Variants in KLHL10 observed in about 807,000 individuals in gnomAD.
KLHL10 encodes kelch-like protein 10.
A neutral mutation model predicts 46.6 loss-of-function variants in KLHL10; 11 were observed. The observed-to-expected ratio is 0.24, with a 90% CI of 0.15 to 0.39. The LOEUF (loss-of-function observed/expected upper bound fraction) is 0.39. Among genes scored for constraint, KLHL10 ranks in the 10% least tolerant of loss-of-function variants. The pLI, the probability that KLHL10 is intolerant of heterozygous loss-of-function variation, is 1.00. For missense variants in KLHL10, 475 were observed against 789.8 expected (o/e 0.60, Z 4.78); for synonymous variants, 254 against 279.1 (o/e 0.91, Z 0.90).
upstream of KLHL10, chr17:41,837,543 G>A: frequency 9.6e-7 from 1 of 1,041,898 alleles, no homozygotes; most frequent in Non-Finnish European, 1.2e-6. Context: ...CAAGTGTTGG[G>A]CTGTGGAAGG....
At chr17:41,847,528 T>TG in intron 4 of KLHL10, 118 bp downstream of exon 4, 1 of 1,197,838 alleles carries the variant, frequency 8.3e-7, no homozygotes, top group Non-Finnish European at 1.2e-6. Flanking sequence ...TTTTTTGAGA[T>TG]GGAGTCTCGC....
rs147108868 is a variant in KLHL10, at chr17:41,842,222, A to G, written c.594A>G (p.Lys198=). The G allele has an allele frequency of 6.2e-6, 10 of 1,614,154 alleles. No homozygotes were observed. In the African/African-American group the frequency reaches 1.2e-4, roughly 19 times the overall value. The change falls in exon 2 of 5, where the codon AAA becomes AAG. Residue 198 remains lysine (K), a synonymous_variant. Transcript: ENST00000293303. ...DIIEKDELNV[K]QEDAVFEAIL... ...TTGAGAAAGATGAGCTCAATGTCAA[A>G]CAGGAAGATGCTGTATTTGAGGCCA...
Position 41,847,247 on chromosome 17 carries a change from A to G in KLHL10, c.1303-14A>G. Reference sequence around the variant, plus strand: ...AGAGTGGGAATTTTAATAATCTTGGAACTCTTCACACAGGTCTACATATGT... The same window carrying G: ...AGAGTGGGAATTTTAATAATCTTGGGACTCTTCACACAGGTCTACATATGT... On this transcript the variant is annotated splice_polypyrimidine_tract_variant and intron_variant, in intron 3 of 4. Coordinates refer to ENST00000293303, the MANE Select transcript of KLHL10 (RefSeq NM_152467.5). 1 of 1,613,616 alleles carries G rather than the reference A, an allele frequency of 6.2e-7. No homozygotes were observed. Among genetic ancestry groups the G allele is most frequent in the East Asian group, 2.2e-5 (1 of 44,872 alleles).
At chr17:41,843,514 A>C (rs12051680) in intron 2 of KLHL10, among the ~76,000 whole-genome samples, 68 of 105,936 alleles carry the variant, frequency 6.4e-4, no homozygotes, top group East Asian at 1.7e-3. Context: ...AAATTAACAA[A>C]AAAAAAAAAA....
rs2048183443 is a variant in KLHL10 at position 41,837,914 on chromosome 17, T to C, written c.-19T>C. On this transcript the variant is annotated 5_prime_UTR_variant, in exon 1 of 5. Transcript: ENST00000293303. The stretch of plus-strand genomic sequence containing the variant: ...CGACACCCTAGGAAAGCAGCCTCTC[T>C]CCGCTGTCCCAGGGTGCCATGGAGA... 6.2e-7 allele frequency: 1 copy of C among 1,612,944 alleles called. No individual in the cohort carries two copies.
upstream of KLHL10, chr17:41,836,197 G>C: frequency 1.6e-6 from 2 of 1,249,874 alleles, no homozygotes; most frequent in Non-Finnish European, 2.0e-6. Flanking sequence ...CTGCCATCCC[G>C]TTCGAGGCCT....
intron 3 of KLHL10, 51 bp downstream of exon 3, chr17:41,845,794 G>A: frequency 6.2e-7 from 1 of 1,609,944 alleles, no homozygotes; most frequent in South Asian, 1.1e-5. Flanking sequence ...TACAAGACCA[G>A]AAATGATACT....
At chr17:41,847,432 C>A in intron 4 of KLHL10, 22 bp downstream of exon 4, 1 of 1,613,016 alleles carries the variant, frequency 6.2e-7, no homozygotes, top group Non-Finnish European at 8.5e-7. Flanking sequence ...TAGTACCACA[C>A]ACACACAAAA....
At chr17:41,844,800 C>G (rs991788976) in intron 2 of KLHL10, among the ~76,000 whole-genome samples, 1 of 152,092 alleles carries the variant, frequency 6.6e-6, no homozygotes, top group Non-Finnish European at 1.5e-5. Context: ...CCGCCCATCT[C>G]GGCCTCCCAA....
At chr17:41,835,979 C>T (rs782695597), upstream of KLHL10, 15 of 1,554,906 alleles carry the variant, frequency 9.6e-6, no homozygotes, top group Non-Finnish European at 1.3e-5. Context: ...CCCGAGAGAA[C>T]CACTGACCCC....
rs1312903121 is a variant in KLHL10, at chr17:41,845,185, T to C, written c.744T>C (p.Tyr248=). Residue 248 remains tyrosine, a synonymous_variant, in exon 3 of 5, where the codon TAT becomes TAC. Coordinates refer to ENST00000293303, the MANE Select transcript of KLHL10 (RefSeq NM_152467.5). ...TGAACAATGTTAAGATGAATGACTA[T>C]GTCAAAGACAGTGAGGAATGCAAAC... is the stretch of plus-strand genomic sequence containing the variant. The part of the protein sequence containing the change: ...YFMNNVKMND[Y]VKDSEECKPV... The C allele has an allele frequency of 6.2e-7, 1 of 1,614,134 alleles. No individual in the cohort carries two copies. Among genetic ancestry groups the C allele is most frequent in the East Asian group, 2.2e-5 (1 of 44,906 alleles).
At position 41,845,524 on chromosome 17, in the gene KLHL10, A is replaced by G; in HGVS notation, c.1083A>G (p.Pro361=). ...TCAATAGTGTTAAGCGTTTTGACCC[A>G]GTCAAGAAAACTTGGCATCAGGTGG... ...DYFNSVKRFD[P]VKKTWHQVAP... The change falls in exon 3 of 5, where the codon CCA becomes CCG. Residue 361 remains proline, a synonymous_variant. Coordinates refer to ENST00000293303, the MANE Select transcript of KLHL10 (RefSeq NM_152467.5). 1 of 1,614,240 alleles carries G rather than the reference A, an allele frequency of 6.2e-7. No homozygotes were observed.
At chr17:41,841,774 A>G in intron 1 of KLHL10, 49 bp from the exon 2 acceptor site, 1 of 1,612,662 alleles carries the variant, frequency 6.2e-7, no homozygotes, top group South Asian at 1.1e-5. Context: ...GTACTCACCT[A>G]ACAGGAGAGA....
At chr17:41,844,945 A>C (rs1423667896) in intron 2 of KLHL10, among the ~76,000 whole-genome samples, 181 bp from the exon 3 acceptor site, 1 of 152,180 alleles carries the variant, frequency 6.6e-6, no homozygotes, top group Non-Finnish European at 1.5e-5. Flanking sequence ...TTGGCCTCCC[A>C]AAGTGCTGGG....
upstream of KLHL10, chr17:41,835,958 C>T (rs1555619926): frequency 3.2e-5 from 50 of 1,582,422 alleles, no homozygotes; most frequent in Non-Finnish European, 4.3e-5. Flanking sequence ...GGGTGCTCAC[C>T]TGTCCCGAGA....
intron 1 of KLHL10, among the ~76,000 whole-genome samples, chr17:41,838,500 G>A (rs940190254): frequency 5.9e-5 from 9 of 151,906 alleles, no homozygotes; most frequent in Admixed American, 2.0e-4. Context: ...GGCCCAAAGC[G>A]ATCCTCCTGC....
intron 3 of KLHL10, 51 bp from the exon 4 acceptor site, chr17:41,847,210 T>C: frequency 6.4e-7 from 1 of 1,565,868 alleles, no homozygotes; most frequent in Non-Finnish European, 8.8e-7. Flanking sequence ...ATATCCTTTC[T>C]TTCTACTCCC....
chr17:41,836,159 C>A (rs536033828), upstream of KLHL10: 2 of 1,301,396 alleles, frequency 1.5e-6, no homozygotes, highest in African/African-American at 3.1e-5. Context: ...CCGCCCCACT[C>A]CGGACGCTTC....
At chr17:41,836,521 T>C (rs1347811419), upstream of KLHL10, 15 of 945,712 alleles carry the variant, frequency 1.6e-5, no homozygotes, top group Non-Finnish European at 1.9e-5. Flanking sequence ...GCTGAAAGTT[T>C]GTGACAAAAA....
Sources: allele counts gnomAD v4.1 joint callset (sites outside exome capture counted in the v4.1 genomes callset), GRCh38; gene constraint gnomAD v4.1.1; transcripts MANE v1.5; gene names NCBI Gene and HGNC (gene_info 2026-07-23, HGNC 2026-07-21).